Variants in CNTN4 observed in about 807,000 individuals in gnomAD.
CNTN4 encodes the protein contactin-4.
In CNTN4, 77 loss-of-function variants were observed where a neutral mutation model predicts 122.5. The ratio of observed to expected loss-of-function variants is 0.63; its 90% CI spans 0.52 to 0.76. The LOEUF (loss-of-function observed/expected upper bound fraction) is 0.76. CNTN4 is among the 30% of genes least tolerant of loss of function. The pLI, the probability that CNTN4 is intolerant of heterozygous loss-of-function variation, is 0.00. For synonymous variants in CNTN4, 512 were observed against 447.0 expected (o/e 1.15, Z -1.83); for missense variants, 1,256 against 1,259.1 (o/e 1.00, Z 0.04).
intron 4 of CNTN4, among the ~76,000 whole-genome samples, chr3:2,631,764 C>T (rs1344710480): frequency 6.7e-6 from 1 of 149,958 alleles, no homozygotes; most frequent in Non-Finnish European, 1.5e-5. Context: ...CATGATGACT[C>T]ACACCTGTAA....
intron 3 of CNTN4, among the ~76,000 whole-genome samples, chr3:2,475,673 G>C (rs2075816047): frequency 6.6e-6 from 1 of 151,998 alleles, no homozygotes; most frequent in African/African-American, 2.4e-5. Flanking sequence ...TTAAGCTATT[G>C]GTGGTTCAGG....
In CNTN4 at chr3:2,571,479, C is replaced by A; in HGVS notation, c.-25C>A. On this transcript the variant is annotated 5_prime_UTR_variant, in exon 4 of 25. Transcript: ENST00000418658. ...TATTCGCTTGTTATTGGACTTGAAA[C>A]TCCCTTTGACCTCGGAAACTGAAGA... 1 of 1,592,984 alleles carries A rather than the reference C, an allele frequency of 6.3e-7. No individual in the cohort carries two copies. Among genetic ancestry groups the A allele is most frequent in the Non-Finnish European group, 8.6e-7 (1 of 1,160,776 alleles).
intron 3 of CNTN4, among the ~76,000 whole-genome samples, chr3:2,485,943 C>A (rs1319591584): frequency 6.6e-6 from 1 of 152,306 alleles, no homozygotes; most frequent in South Asian, 2.1e-4. Context: ...CCAGCAGTGG[C>A]AACCCGCGCA....
chr3:2,276,123 A>G (rs2041500552), intron 2 of CNTN4, among the ~76,000 whole-genome samples: 1 of 151,910 alleles, frequency 6.6e-6, no homozygotes, highest in African/African-American at 2.4e-5. Context: ...TCTTTTTAAC[A>G]TTATCTGCAT....
chr3:2,500,942 C>T (rs769095752), intron 3 of CNTN4, among the ~76,000 whole-genome samples: 26 of 152,156 alleles, frequency 1.7e-4, no homozygotes, highest in Non-Finnish European at 3.2e-4. Context: ...TTTTCCCCCC[C>T]GCACAATGTA....
intron 6 of CNTN4, among the ~76,000 whole-genome samples, chr3:2,775,664 G>T (rs1163163659): frequency 1.3e-5 from 2 of 152,050 alleles, no homozygotes; most frequent in African/African-American, 4.8e-5. Context: ...CAAGTGATCT[G>T]CCTGCCTTAG....
rs1220436492 is a variant in CNTN4 at position 2,295,351 on chromosome 3, C to G, written c.-144-43827C>G. On this transcript the variant is annotated intron_variant, in intron 2 of 24. Coordinates refer to ENST00000418658, the MANE Select transcript of CNTN4 (RefSeq NM_175607.3). ...CTCTCCAGCACCTGTTGTTTCCTGA[C>G]TTTTGAATGATCGCCATTGTAACTG... 2.2e-5 allele frequency among the ~76,000 whole-genome samples: 3 copies of G among 134,684 alleles called. 1 individual carries two copies. Among genetic ancestry groups the G allele is most frequent in the Non-Finnish European group, 4.7e-5 (3 of 63,338 alleles). 88.4% of individuals were successfully genotyped at this position (134,684 alleles called of 152,430 possible). A position where few individuals can be genotyped will look rare whatever the true frequency, so the allele number is the denominator to read the frequency against.
intron 8 of CNTN4, among the ~76,000 whole-genome samples, chr3:2,869,133 G>A (rs2093757004): frequency 6.6e-6 from 1 of 152,168 alleles, no homozygotes; most frequent in Non-Finnish European, 1.5e-5. Flanking sequence ...TTAGAAATAG[G>A]AGAAATTAGC....
At chr3:2,958,345 A>G (rs2094821159) in intron 13 of CNTN4, among the ~76,000 whole-genome samples, 1 of 152,180 alleles carries the variant, frequency 6.6e-6, no homozygotes, top group South Asian at 2.1e-4. Flanking sequence ...TAAGTAATCA[A>G]AATGACCCAG....
intron 3 of CNTN4, among the ~76,000 whole-genome samples, chr3:2,505,892 T>A (rs1269071177): frequency 6.6e-6 from 1 of 152,192 alleles, no homozygotes; most frequent in East Asian, 1.9e-4. Context: ...GGGAATCAGT[T>A]GGGGAGAAAA....
At chr3:2,608,508 C>T (rs1342457779) in intron 4 of CNTN4, among the ~76,000 whole-genome samples, 2 of 152,198 alleles carry the variant, frequency 1.3e-5, no homozygotes, top group Non-Finnish European at 2.9e-5. Flanking sequence ...TCTTCTTCCC[C>T]TCTCCCCAGA....
intron 2 of CNTN4, among the ~76,000 whole-genome samples, chr3:2,237,333 G>C (rs548179743): frequency 2.0e-5 from 3 of 152,064 alleles, no homozygotes; most frequent in Admixed American, 2.0e-4. Flanking sequence ...CTGTAAGCTG[G>C]GTGTGGTTAC....
At chr3:2,394,406 G>A (rs1001446667) in intron 3 of CNTN4, among the ~76,000 whole-genome samples, 1 of 152,094 alleles carries the variant, frequency 6.6e-6, no homozygotes, top group African/African-American at 2.4e-5. Flanking sequence ...CTAACCCAAA[G>A]TCTCCTTTAT....
chr3:2,660,803 A>G (rs1352853033), intron 4 of CNTN4, among the ~76,000 whole-genome samples: 1 of 152,230 alleles, frequency 6.6e-6, no homozygotes, highest in Non-Finnish European at 1.5e-5. Context: ...GATTGAAGTT[A>G]AACACAACTG....
chr3:2,798,019 A>G lies in CNTN4; in HGVS notation c.359-21467A>G, dbSNP rs1019002582. On this transcript the variant is annotated intron_variant, in intron 6 of 24. Coordinates refer to ENST00000418658, the MANE Select transcript of CNTN4 (RefSeq NM_175607.3). ...TGAAGTCTGGGATTGTAGTATAACCATCACCTAAATAATGTGCATTGTACC... is the reference window on the plus strand; with the variant it reads ...TGAAGTCTGGGATTGTAGTATAACCGTCACCTAAATAATGTGCATTGTACC... 4.1e-4 allele frequency among the ~76,000 whole-genome samples: 61 copies of G among 150,570 alleles called. 1 individual carries two copies. The Middle Eastern group carries it at 0.021, about 51-fold the overall frequency.
chr3:2,878,167 C>G (rs903869196), intron 8 of CNTN4, among the ~76,000 whole-genome samples: 1 of 152,112 alleles, frequency 6.6e-6, no homozygotes, highest in South Asian at 2.1e-4. Context: ...ACTGATGACT[C>G]TGTTATTCAC....
intron 2 of CNTN4, among the ~76,000 whole-genome samples, chr3:2,131,168 G>A (rs1184739595): frequency 6.6e-6 from 1 of 152,140 alleles, no homozygotes; most frequent in Non-Finnish European, 1.5e-5. Flanking sequence ...TACAGATGAG[G>A]AAGAGTTTCA....
intron 4 of CNTN4, among the ~76,000 whole-genome samples, chr3:2,608,323 G>A (rs1173183141): frequency 6.6e-6 from 1 of 152,178 alleles, no homozygotes; most frequent in Non-Finnish European, 1.5e-5. Context: ...TGCCAGGAGT[G>A]GTGGCATGCA....
chr3:2,610,760 GC>G (rs1559301538), intron 4 of CNTN4, among the ~76,000 whole-genome samples: 2 of 152,088 alleles, frequency 1.3e-5, no homozygotes, highest in African/African-American at 4.8e-5. Context: ...TAAACATACA[GC>G]CAAGCAAGAA....
Sources: gnomAD v4.1 joint callset for allele counts (sites outside exome capture counted in the v4.1 genomes callset) on GRCh38, gnomAD v4.1.1 for gene constraint, MANE v1.5 for transcripts, NCBI Gene and HGNC (gene_info 2026-07-23, HGNC 2026-07-21) for gene names.